The following DHX57 variants were observed in gnomAD, a reference collection of about 807,000 sequenced individuals.
DHX57 encodes the protein putative ATP-dependent RNA helicase DHX57.
In DHX57, 105 loss-of-function variants were observed where a neutral mutation model predicts 156.2. The observed-to-expected ratio is 0.67, with a 90% CI of 0.57 to 0.79. The LOEUF is 0.79. DHX57 is among the 30% of genes least tolerant of loss of function. The pLI is 0.00. For synonymous variants in DHX57, 704 were observed against 595.6 expected, an observed-to-expected ratio of 1.18 and a Z score of -2.65; for missense variants, 1,847 against 1,661.9, an observed-to-expected ratio of 1.11 and a Z score of -1.94.
intron 9 of DHX57, chr2:38,853,830 T>TTA: frequency 2.8e-6 from 1 of 351,612 alleles, no homozygotes; most frequent in Admixed American, 4.2e-5. Flanking sequence ...CCTTCTAACC[T>TTA]AACAGGATGA....
intron 13 of DHX57, among the ~76,000 whole-genome samples, chr2:38,836,457 CTTTAG>C (rs1305365698): frequency 6.6e-6 from 1 of 152,100 alleles, no homozygotes; most frequent in African/African-American, 2.4e-5. Context: ...ATTTTCTTTT[CTTTAG>C]TTTACTTTAC....
At chr2:38,855,411 G>C in intron 7 of DHX57, 159 bp from the exon 8 acceptor site, 1 of 755,454 alleles carries the variant, frequency 1.3e-6, no homozygotes, top group South Asian at 1.7e-5. Context: ...ATTACCAAGA[G>C]GTGGGAAATT....
At chr2:38,846,722 T>C (rs767139887) in intron 11 of DHX57, among the ~76,000 whole-genome samples, 22 of 151,600 alleles carry the variant, frequency 1.5e-4, no homozygotes, top group Non-Finnish European at 1.0e-4. Flanking sequence ...ACAGAAAAAA[T>C]AGAAGAAAAT....
chr2:38,873,033 G>A (rs1665425073), intron 1 of DHX57, among the ~76,000 whole-genome samples: 1 of 151,902 alleles, frequency 6.6e-6, no homozygotes, highest in South Asian at 2.1e-4. Context: ...TGTCGCCCAG[G>A]CTGGAGTGCA....
Position 38,875,880 on chromosome 2 carries a change from A to T in DHX57, c.-100T>A. 2 of 395,910 alleles carry T rather than the reference A, an allele frequency of 5.1e-6. No individual in the cohort carries two copies. 24.5% of individuals were successfully genotyped at this position (395,910 alleles called of 1,614,324 possible). A position where few individuals can be genotyped will look rare whatever the true frequency, so the allele number is the denominator to read the frequency against. The stretch of plus-strand genomic sequence containing the variant: ...GGACTTGGCCACCCTCACGATTCTC[A>T]CTTGGAGCAGCCCTGCGGTGGCCCA... On this transcript the variant is annotated 5_prime_UTR_variant, in exon 1 of 24. Coordinates refer to ENST00000457308, the MANE Select transcript of DHX57 (RefSeq NM_198963.3).
At chr2:38,812,336 G>C (rs1192153716) in intron 21 of DHX57, among the ~76,000 whole-genome samples, 1 of 152,144 alleles carries the variant, frequency 6.6e-6, no homozygotes, top group Non-Finnish European at 1.5e-5. Flanking sequence ...CCATAAATCA[G>C]TCAGATGTTA....
intron 23 of DHX57, among the ~76,000 whole-genome samples, chr2:38,799,717 T>C (rs1220224021): frequency 8.2e-6 from 1 of 122,178 alleles, no homozygotes; most frequent in Admixed American, 1.1e-4. Flanking sequence ...GCCATTGCAC[T>C]CCAGCCTGGG....
intron 19 of DHX57, 195 bp from the exon 20 acceptor site, chr2:38,815,850 G>T (rs1247531146): frequency 6.3e-6 from 4 of 631,556 alleles, no homozygotes; most frequent in Non-Finnish European, 1.1e-5. Flanking sequence ...AAACTGGCAG[G>T]CAAACTGAAA....
At chr2:38,827,683 T>C (rs1168114189) in intron 14 of DHX57, among the ~76,000 whole-genome samples, 1 of 151,534 alleles carries the variant, frequency 6.6e-6, no homozygotes, top group Non-Finnish European at 1.5e-5. Flanking sequence ...CCCTTAAAAA[T>C]GAAGACACAC....
At position 38,863,356 on chromosome 2, in the gene DHX57, T is replaced by C; in HGVS notation, c.383+5A>G. The C allele has an allele frequency of 2.5e-6, 4 of 1,604,510 alleles. No homozygotes were observed. Among genetic ancestry groups the C allele is most frequent in the Non-Finnish European group, 2.5e-6 (3 of 1,177,666 alleles). ...ATAATAATTGACTCAAATAAAACAA[T>C]TTACTCAGATCCAGCATCAGCATCT... is the stretch of plus-strand genomic sequence containing the variant. On this transcript the variant is annotated splice_donor_5th_base_variant and intron_variant, in intron 3 of 23. Transcript: ENST00000457308.
rs200965985 is a variant in DHX57, at chr2:38,858,647, T to G, written c.1587+14A>C. 2.1e-4 allele frequency: 334 copies of G among 1,602,944 alleles called. 1 individual carries two copies. The highest frequency in any genetic ancestry group is 8.5e-4 in the Admixed American group (49 of 57,382). Reference sequence around the variant, plus strand: ...TAGGGAGGCAACGTTACTCATTCTCTCAGCATACCCTACCTGTTTCATTCG... The same window carrying G: ...TAGGGAGGCAACGTTACTCATTCTCGCAGCATACCCTACCTGTTTCATTCG... On this transcript the variant is annotated intron_variant, in intron 6 of 23. Transcript: ENST00000457308.
chr2:38,807,062 TTG>T (rs1491240771), intron 21 of DHX57, among the ~76,000 whole-genome samples: 5 of 151,338 alleles, frequency 3.3e-5, no homozygotes, highest in African/African-American at 1.2e-4. Context: ...TTGTTTTGTT[TTG>T]TTTTTTTTGA....
intron 19 of DHX57, among the ~76,000 whole-genome samples, chr2:38,818,174 C>T (rs1670636595): frequency 1.3e-5 from 2 of 152,140 alleles, no homozygotes; most frequent in African/African-American, 2.4e-5. Flanking sequence ...GAATAATGCA[C>T]ATATGTATAA....
rs561884951 is a variant in DHX57, at chr2:38,839,983, TCTC to T, written c.2426-2039_2426-2037del. On this transcript the variant is annotated intron_variant, in intron 12 of 23. Coordinates refer to ENST00000457308, the MANE Select transcript of DHX57 (RefSeq NM_198963.3). ...TATTATTGAGACAGGGTCTCACTCTTCTCCTCAGGCTGGAGTGCAGTGGCGTGA... is the reference window on the plus strand; with the variant it reads ...TATTATTGAGACAGGGTCTCACTCTTCTCAGGCTGGAGTGCAGTGGCGTGA... Among the ~76,000 whole-genome samples the T allele has an allele frequency of 4.1e-3, 619 of 152,280 alleles. 3 individuals are homozygous for T. The highest frequency in any genetic ancestry group is 0.014 in the African/African-American group (589 of 41,556).
chr2:38,813,755 T>A, intron 21 of DHX57, 66 bp downstream of exon 21: 3 of 1,556,080 alleles, frequency 1.9e-6, no homozygotes, highest in Non-Finnish European at 2.7e-6. Context: ...ATGCACATCT[T>A]AACTTACATC....
At chr2:38,807,203 C>T (rs754894114) in intron 21 of DHX57, among the ~76,000 whole-genome samples, 10 of 151,626 alleles carry the variant, frequency 6.6e-5, no homozygotes, top group African/African-American at 1.2e-4. Context: ...TACAAGTGTG[C>T]GCCACCACAC....
At chr2:38,863,589 C>T in intron 2 of DHX57, 70 bp from the exon 3 acceptor site, 1 of 1,445,162 alleles carries the variant, frequency 6.9e-7, no homozygotes, top group Non-Finnish European at 9.4e-7. Flanking sequence ...CCTCAGGGGT[C>T]CCCAGATATA....
intron 21 of DHX57, chr2:38,811,478 C>A: frequency 1.4e-6 from 1 of 698,872 alleles, no homozygotes; most frequent in Non-Finnish European, 2.6e-6. Flanking sequence ...CCTCAATGAA[C>A]ACCTTTTTGG....
intron 3 of DHX57, 54 bp downstream of exon 3, chr2:38,863,307 C>T: frequency 6.4e-7 from 1 of 1,556,094 alleles, no homozygotes; most frequent in Non-Finnish European, 8.7e-7. Context: ...AGGACCTTCA[C>T]ACTGCCAGTA....
Sources: gnomAD v4.1 joint callset for allele counts (sites outside exome capture counted in the v4.1 genomes callset) on GRCh38, gnomAD v4.1.1 for gene constraint, MANE v1.5 for transcripts, NCBI Gene and HGNC (gene_info 2026-07-23, HGNC 2026-07-21) for gene names.